The following PTH2R variants were observed in gnomAD, a reference collection of about 807,000 sequenced individuals.
PTH2R encodes the protein parathyroid hormone 2 receptor.
In PTH2R, 59 loss-of-function variants were observed where a neutral mutation model predicts 60.3. The ratio of observed to expected loss-of-function variants is 0.98; its 90% CI spans 0.79 to 1.22. The LOEUF is 1.22. Among genes scored for constraint, PTH2R ranks in the 50% most tolerant of loss-of-function variants. PTH2R has a pLI of 0.00. For missense variants in PTH2R, 749 were observed against 682.6 expected, an observed-to-expected ratio of 1.10 and a Z score of -1.08; for synonymous variants, 256 against 243.8, an observed-to-expected ratio of 1.05 and a Z score of -0.47.
At chr2:208,439,391 G>C (rs1015065603) in intron 4 of PTH2R, among the ~76,000 whole-genome samples, 3 of 151,742 alleles carry the variant, frequency 2.0e-5, no homozygotes, top group Non-Finnish European at 4.4e-5. Context: ...TAATAATTTG[G>C]AAAAACCCAA....
intron 11 of PTH2R, 106 bp from the exon 12 acceptor site, chr2:208,490,533 A>C (rs1703379104): frequency 1.1e-6 from 1 of 940,964 alleles, no homozygotes; most frequent in Admixed American, 2.5e-5. Flanking sequence ...AATTCTCTGA[A>C]GGAATCATAA....
chr2:208,484,182 T>C (rs1259523408), intron 10 of PTH2R, among the ~76,000 whole-genome samples: 1 of 152,212 alleles, frequency 6.6e-6, no homozygotes, highest in Non-Finnish European at 1.5e-5. Context: ...CATACTACTA[T>C]GAAAAACAGA....
At chr2:208,443,663 C>A in intron 6 of PTH2R, 126 bp downstream of exon 6, 2 of 709,240 alleles carry the variant, frequency 2.8e-6, no homozygotes, top group Non-Finnish European at 2.1e-6. Context: ...AATGGATTAT[C>A]AATTTGTATA....
chr2:208,421,741 C>G (rs759378958), intron 1 of PTH2R, among the ~76,000 whole-genome samples: 2 of 152,102 alleles, frequency 1.3e-5, no homozygotes, highest in South Asian at 2.1e-4. Flanking sequence ...ATTATAAGTT[C>G]ATGTGAACTT....
chr2:208,442,496 C>A, intron 5 of PTH2R, 35 bp downstream of exon 5: 2 of 1,464,342 alleles, frequency 1.4e-6, no homozygotes, highest in African/African-American at 1.4e-5. Context: ...CATGAAGGGG[C>A]ACATTGTCTT....
intron 1 of PTH2R, among the ~76,000 whole-genome samples, chr2:208,365,997 G>T (rs1419621220): frequency 9.2e-5 from 4 of 43,246 alleles, no homozygotes; most frequent in Admixed American, 3.7e-4. Context: ...TTTTTTTTTT[G>T]CAGAGACAAG....
chr2:208,489,048 C>T lies in PTH2R; in HGVS notation c.1113C>T (p.Val371=). Residue 371 remains valine (V), a synonymous_variant, in exon 11 of 13, where the codon GTC becomes GTT. Transcript: ENST00000272847. ...LAKSTLVLVL[V]FGVHYIVFVC... ...AATCGACACTGGTCCTGGTCCTAGT[C>T]TTTGGAGTGCATTACATCGTGTTCG... The T allele has an allele frequency of 6.2e-7, 1 of 1,614,068 alleles. No homozygotes were observed. The highest frequency in any genetic ancestry group is 8.5e-7 in the Non-Finnish European group (1 of 1,180,004).
intron 9 of PTH2R, among the ~76,000 whole-genome samples, chr2:208,475,920 A>G (rs1260454634): frequency 6.6e-6 from 1 of 152,188 alleles, no homozygotes; most frequent in African/African-American, 2.4e-5. Flanking sequence ...ATATTGAATG[A>G]CATTGAATGA....
At chr2:208,430,767 A>G (rs1701955739) in intron 2 of PTH2R, among the ~76,000 whole-genome samples, 1 of 151,920 alleles carries the variant, frequency 6.6e-6, no homozygotes, top group African/African-American at 2.4e-5. Flanking sequence ...GGGTTTCACC[A>G]TGTTAGCCAG....
rs745592100 is a variant in PTH2R at position 208,437,829 on chromosome 2, C to T, written c.359C>T (p.Ala120Val). The change falls in exon 4 of 13, where the codon GCC (alanine) becomes GTC (valine). Residue 120 changes from alanine to valine, a missense_variant. Coordinates refer to ENST00000272847, the MANE Select transcript of PTH2R (RefSeq NM_005048.4). ...ATGCACAGCTTAAATAAAACATGGG[C>T]CAATTATTCAGACTGCCTTCGCTTT... is the stretch of plus-strand genomic sequence containing the variant. ...DFMHSLNKTW[A>V]NYSDCLRFLQ... The T allele has an allele frequency of 6.2e-7, 1 of 1,613,688 alleles. No individual in the cohort carries two copies. The highest frequency in any genetic ancestry group is 2.2e-5 in the East Asian group (1 of 44,864).
At chr2:208,451,213 G>C (rs1208955092) in intron 8 of PTH2R, among the ~76,000 whole-genome samples, 1 of 152,034 alleles carries the variant, frequency 6.6e-6, no homozygotes, top group African/African-American at 2.4e-5. Context: ...TTTTCCTGAG[G>C]ATGGTGTGGT....
At chr2:208,407,204 G>A in intron 1 of PTH2R, 86 bp downstream of exon 1, 6 of 1,200,470 alleles carry the variant, frequency 5.0e-6, no homozygotes, top group Non-Finnish European at 6.7e-6. Context: ...AGGTGCGCGC[G>A]AGAGCTCATT....
intron 1 of PTH2R, among the ~76,000 whole-genome samples, chr2:208,390,525 T>G (rs1324713040): frequency 1.3e-5 from 2 of 152,212 alleles, no homozygotes; most frequent in Non-Finnish European, 2.9e-5. Context: ...TGGTGGATAT[T>G]GTAGGAGCTA....
chr2:208,375,817 A>C (rs894090431), intron 1 of PTH2R, among the ~76,000 whole-genome samples: 1 of 152,086 alleles, frequency 6.6e-6, no homozygotes, highest in African/African-American at 2.4e-5. Context: ...AGAGGGAGGA[A>C]CTGACAGGGA....
intron 7 of PTH2R, among the ~76,000 whole-genome samples, chr2:208,445,557 A>G (rs1702271965): frequency 6.6e-6 from 1 of 152,212 alleles, no homozygotes; most frequent in African/African-American, 2.4e-5. Flanking sequence ...ATTAAAACTC[A>G]TATGTGGTGA....
rs898452468 is a variant in PTH2R, at chr2:208,472,268, CA to C, written c.982-8801del. On this transcript the variant is annotated intron_variant, in intron 9 of 12. Transcript: ENST00000272847. ...TGAGGACATGAGATTTGGGAGAGTCCAGGGGTGGAATGATACCTAAATCATT... is the reference window on the plus strand; with the variant it reads ...TGAGGACATGAGATTTGGGAGAGTCCGGGGTGGAATGATACCTAAATCATT... 9.0e-4 allele frequency among the ~76,000 whole-genome samples: 137 copies of C among 152,166 alleles called. 1 individual carries two copies. The highest frequency in any genetic ancestry group is 1.3e-4 in the Non-Finnish European group (9 of 68,000).
intron 9 of PTH2R, chr2:208,469,864 T>A (rs1318312948): frequency 6.6e-6 from 1 of 152,198 alleles, no homozygotes; most frequent in Admixed American, 6.5e-5. Flanking sequence ...CTGGGCCTCC[T>A]GGAGCATCAT....
intron 9 of PTH2R, among the ~76,000 whole-genome samples, chr2:208,478,802 G>T (rs190358632): frequency 6.6e-6 from 1 of 152,230 alleles, no homozygotes; most frequent in Admixed American, 6.5e-5. Flanking sequence ...TTAAGGCCCT[G>T]CCGCTTGCTA....
chr2:208,447,274 A>G (rs1295643052), intron 7 of PTH2R, among the ~76,000 whole-genome samples: 1 of 151,662 alleles, frequency 6.6e-6, no homozygotes, highest in Non-Finnish European at 1.5e-5. Flanking sequence ...GTGCAATCTG[A>G]TTATGATGAT....
Sources: allele counts gnomAD v4.1 joint callset (sites outside exome capture counted in the v4.1 genomes callset), GRCh38; gene constraint gnomAD v4.1.1; transcripts MANE v1.5; gene names NCBI Gene and HGNC (gene_info 2026-07-23, HGNC 2026-07-21).